The following CNTN5 variants were observed in gnomAD, a reference collection of about 807,000 sequenced individuals.
The protein encoded by CNTN5 is contactin-5.
Under a neutral mutation model 129.1 loss-of-function variants are expected in CNTN5, and 77 were observed. The ratio of observed to expected loss-of-function variants is 0.60; its 90% CI spans 0.50 to 0.72. The LOEUF is 0.72. Ranked by LOEUF, CNTN5 falls within the 30% of genes least tolerant of loss-of-function variation. The pLI, the probability that CNTN5 is intolerant of heterozygous loss-of-function variation, is 0.00. For synonymous variants in CNTN5, 509 were observed against 465.6 expected, an observed-to-expected ratio of 1.09 and a Z score of -1.20; for missense variants, 1,478 against 1,328.8, an observed-to-expected ratio of 1.11 and a Z score of -1.75.
At chr11:99,073,063 C>A (rs1414321842) in intron 1 of CNTN5, among the ~76,000 whole-genome samples, 1 of 152,068 alleles carries the variant, frequency 6.6e-6, no homozygotes, top group Non-Finnish European at 1.5e-5. Context: ...CATATTCGCT[C>A]CTTCGTTTTA....
At chr11:99,701,108 A>G (rs1253173818) in intron 3 of CNTN5, among the ~76,000 whole-genome samples, 1 of 151,406 alleles carries the variant, frequency 6.6e-6, no homozygotes, top group Non-Finnish European at 1.5e-5. Flanking sequence ...ATTTTTAAAC[A>G]CAATACCTAT....
rs1420505988 is a variant in CNTN5, at chr11:100,317,701, C to T, written c.2730+9233C>T. On this transcript the variant is annotated intron_variant, in intron 21 of 24. Transcript: ENST00000524871. ...ATTGTTTAACCTGTTCTTTTCTTGT[C>T]CTATTGAAACACAACTCTATAATTT... Among the ~76,000 whole-genome samples the T allele has an allele frequency of 2.0e-5, 3 of 152,228 alleles. No homozygotes were observed. The East Asian group carries it at 5.8e-4, about 29-fold the overall frequency.
At chr11:99,122,992 G>T (rs1050519677) in intron 1 of CNTN5, among the ~76,000 whole-genome samples, 2 of 152,214 alleles carry the variant, frequency 1.3e-5, no homozygotes, top group East Asian at 1.9e-4. Context: ...CTTGAATAGT[G>T]CTGTAATAAA....
At chr11:99,574,976 G>A (rs1454458693) in intron 3 of CNTN5, among the ~76,000 whole-genome samples, 2 of 152,060 alleles carry the variant, frequency 1.3e-5, no homozygotes, top group Non-Finnish European at 2.9e-5. Flanking sequence ...GGAAATAGGA[G>A]GGCTATATAC....
chr11:99,795,415 C>G (rs79950673), intron 3 of CNTN5, among the ~76,000 whole-genome samples: 5,317 of 152,056 alleles, frequency 0.035, 136 homozygotes, highest in South Asian at 0.097. Context: ...AATTGTTTTT[C>G]TGTCATTTCA....
chr11:99,782,141 A>C (rs1437003327), intron 3 of CNTN5, among the ~76,000 whole-genome samples: 6 of 151,346 alleles, frequency 4.0e-5, no homozygotes, highest in Non-Finnish European at 7.4e-5. Flanking sequence ...TCAGGATAGA[A>C]AATCAATGTA....
intron 3 of CNTN5, among the ~76,000 whole-genome samples, chr11:99,645,259 C>CAAA (rs1373283813): frequency 1.3e-4 from 9 of 67,844 alleles, no homozygotes; most frequent in South Asian, 6.8e-4. Context: ...GGCTCCATCT[C>CAAA]AACAAAAAAA....
intron 8 of CNTN5, among the ~76,000 whole-genome samples, chr11:99,969,004 AT>A (rs1220463120): frequency 6.6e-6 from 1 of 152,110 alleles, no homozygotes; most frequent in Non-Finnish European, 1.5e-5. Context: ...CATCAAAAAA[AT>A]TTTGGACGAT....
At chr11:99,093,184 C>A (rs142974194) in intron 1 of CNTN5, among the ~76,000 whole-genome samples, 3 of 151,902 alleles carry the variant, frequency 2.0e-5, no homozygotes, top group Non-Finnish European at 4.4e-5. Flanking sequence ...TTAAACTTAC[C>A]AAGTTACACA....
intron 15 of CNTN5, among the ~76,000 whole-genome samples, chr11:100,221,736 C>T (rs1949270466): frequency 6.6e-6 from 1 of 151,876 alleles, no homozygotes; most frequent in African/African-American, 2.4e-5. Context: ...TTGTGTTAAG[C>T]ACTGGTTGTG....
intron 13 of CNTN5, among the ~76,000 whole-genome samples, chr11:100,179,475 CA>C (rs2138444754): frequency 6.6e-6 from 1 of 152,116 alleles, no homozygotes; most frequent in Admixed American, 6.6e-5. Flanking sequence ...AGTATAAAAC[CA>C]TTAGGTTGAA....
At chr11:99,652,873 A>T (rs1283630180) in intron 3 of CNTN5, among the ~76,000 whole-genome samples, 1 of 152,022 alleles carries the variant, frequency 6.6e-6, no homozygotes, top group East Asian at 1.9e-4. Flanking sequence ...CCTGAAACAC[A>T]TCTGCCCCCA....
chr11:99,394,242 T>C (rs1362769730), intron 2 of CNTN5, among the ~76,000 whole-genome samples: 6 of 151,690 alleles, frequency 4.0e-5, no homozygotes, highest in Non-Finnish European at 8.9e-5. Flanking sequence ...GAAAATTTGG[T>C]TAGAAATATT....
At chr11:99,755,335 C>T (rs909246000) in intron 3 of CNTN5, among the ~76,000 whole-genome samples, 1 of 152,156 alleles carries the variant, frequency 6.6e-6, no homozygotes, top group African/African-American at 2.4e-5. Flanking sequence ...TTTTGCACTC[C>T]TGTCAGCAAC....
chr11:99,839,853 T>C (rs1305263756), intron 4 of CNTN5, among the ~76,000 whole-genome samples: 1 of 151,894 alleles, frequency 6.6e-6, no homozygotes, highest in Non-Finnish European at 1.5e-5. Context: ...ATTACACAGT[T>C]TATGGAGAGA....
At chr11:99,791,455 G>A (rs1236396311) in intron 3 of CNTN5, among the ~76,000 whole-genome samples, 1 of 151,940 alleles carries the variant, frequency 6.6e-6, no homozygotes, top group African/African-American at 2.4e-5. Flanking sequence ...ATGGTTGCAG[G>A]TGCATGGCAT....
chr11:100,330,908 A>G (rs1377993542), intron 21 of CNTN5, among the ~76,000 whole-genome samples: 1 of 152,200 alleles, frequency 6.6e-6, no homozygotes, highest in African/African-American at 2.4e-5. Flanking sequence ...CTGTAAAACA[A>G]TAACACAATG....
chr11:100,156,089 A>G (rs1193817610), intron 13 of CNTN5, among the ~76,000 whole-genome samples: 1 of 152,128 alleles, frequency 6.6e-6, no homozygotes, highest in Non-Finnish European at 1.5e-5. Flanking sequence ...GCTGGTTTTC[A>G]AAGGGAATGC....
intron 13 of CNTN5, among the ~76,000 whole-genome samples, chr11:100,099,087 C>G (rs1018154323): frequency 2.6e-5 from 4 of 151,976 alleles, no homozygotes; most frequent in Non-Finnish European, 2.9e-5. Context: ...ATATTTGCAG[C>G]CAATTTTGTA....
Sources: gnomAD v4.1 joint callset for allele counts (sites outside exome capture counted in the v4.1 genomes callset) on GRCh38, gnomAD v4.1.1 for gene constraint, MANE v1.5 for transcripts, NCBI Gene and HGNC (gene_info 2026-07-23, HGNC 2026-07-21) for gene names.